ARHGAP6: variants seen among roughly 807,000 people sequenced by gnomAD.
ARHGAP6 encodes rho GTPase-activating protein 6.
In ARHGAP6, 16 loss-of-function variants were observed where a neutral mutation model predicts 55.7. The observed-to-expected ratio is 0.29, with a 90% confidence interval of 0.19 to 0.44. The LOEUF is 0.44. Ranked by LOEUF, ARHGAP6 falls within the 20% of genes least tolerant of loss-of-function variation. The pLI is 1.00. For synonymous variants in ARHGAP6, 382 were observed against 360.9 expected, an observed-to-expected ratio of 1.06 and a Z score of -0.66; for missense variants, 698 against 808.9, an observed-to-expected ratio of 0.86 and a Z score of 1.66.
At chrX:11,295,523 T>G (rs1247725839) in intron 1 of ARHGAP6, among the ~76,000 whole-genome samples, 1 of 111,448 alleles carries the variant, frequency 9.0e-6, no homozygotes, top group African/African-American at 3.3e-5. Context: ...GGCAGAGAAC[T>G]TAGATCACAT....
At chrX:11,501,658 C>G (rs1218546005) in intron 1 of ARHGAP6, among the ~76,000 whole-genome samples, 1 of 111,358 alleles carries the variant, frequency 9.0e-6, no homozygotes. Context: ...CATAAACAGT[C>G]GATTAACACT....
rs769578058 is a variant in ARHGAP6 at position 11,144,106 on chromosome X, T to A, written c.2050A>T (p.Met684Leu). The change falls in exon 11 of 13, where the codon ATG becomes TTG. Residue 684 changes from methionine to leucine, a missense_variant. Physicochemically the swap from Met to Leu is conservative, Grantham distance 15 (BLOSUM62 2). Around this residue, in one of 3 missense-constraint regions of ARHGAP6, gnomAD observed 322 missense variants for 451.1 expected, o/e 0.71. Coordinates refer to ENST00000337414, the MANE Select transcript of ARHGAP6 (RefSeq NM_013427.3). The stretch of plus-strand genomic sequence containing the variant: ...CCCCCCGGGGCCGCGTCCTCTTGCA[T>A]AGCCAGCAGGGAGCGCTCAGACAGC... ...PVLSERSLLA[M>L]QEDAAPGGSE... The A allele has an allele frequency of 1.1e-5, 13 of 1,211,213 alleles. No individual in the cohort carries two copies. In the South Asian group the frequency reaches 1.9e-4, roughly 18 times the overall value.
At chrX:11,152,943 G>C (rs5934965) in intron 10 of ARHGAP6, among the ~76,000 whole-genome samples, 2 of 111,179 alleles carry the variant, frequency 1.8e-5, no homozygotes, top group Admixed American at 9.5e-5. Flanking sequence ...TTGTTCTTCA[G>C]GCTCCCAGGT....
At chrX:11,486,672 A>C (rs2050513939) in intron 1 of ARHGAP6, among the ~76,000 whole-genome samples, 1 of 111,518 alleles carries the variant, frequency 9.0e-6, no homozygotes, top group Non-Finnish European at 1.9e-5. Context: ...ACAGTGTATC[A>C]AGTATCATGA....
At chrX:11,152,664 T>G (rs1184497122) in intron 10 of ARHGAP6, among the ~76,000 whole-genome samples, 2 of 112,025 alleles carry the variant, frequency 1.8e-5, no homozygotes, top group African/African-American at 6.5e-5. Context: ...CCTCTTTTCC[T>G]TCTCCAAACT....
chrX:11,320,823 TACAC>T (rs201097078), intron 1 of ARHGAP6, among the ~76,000 whole-genome samples: 17 of 103,186 alleles, frequency 1.6e-4, no homozygotes, highest in Admixed American at 2.1e-4. Flanking sequence ...GTGTATAATA[TACAC>T]ACACACACAT....
intron 1 of ARHGAP6, among the ~76,000 whole-genome samples, chrX:11,573,065 A>T (rs1270954333): frequency 9.0e-6 from 1 of 111,061 alleles, no homozygotes; most frequent in Non-Finnish European, 1.9e-5. Context: ...GTTTGAGTTC[A>T]TTGTAGATTC....
chrX:11,603,132 T>C (rs2051996789), intron 1 of ARHGAP6, among the ~76,000 whole-genome samples: 1 of 111,885 alleles, frequency 8.9e-6, no homozygotes, highest in African/African-American at 3.3e-5. Flanking sequence ...ATTTCTGCCC[T>C]GGAAAGTAGC....
At chrX:11,390,177 A>G (rs1191440778) in intron 1 of ARHGAP6, among the ~76,000 whole-genome samples, 4 of 111,937 alleles carry the variant, frequency 3.6e-5, no homozygotes, top group Non-Finnish European at 5.6e-5. Flanking sequence ...CATTTATTAA[A>G]TAGGGAATAC....
At chrX:11,261,123 T>C (rs1329092836) in intron 1 of ARHGAP6, among the ~76,000 whole-genome samples, 1 of 112,174 alleles carries the variant, frequency 8.9e-6, no homozygotes. Flanking sequence ...GTTGTATATA[T>C]GTGGGAAACT....
intron 1 of ARHGAP6, among the ~76,000 whole-genome samples, chrX:11,342,007 C>G (rs1036329557): frequency 2.0e-5 from 2 of 99,754 alleles, no homozygotes; most frequent in Admixed American, 2.2e-4. Flanking sequence ...ATGGATATAC[C>G]ATTTCAAAAT....
chrX:11,587,265 A>G (rs1243988354), intron 1 of ARHGAP6, among the ~76,000 whole-genome samples: 1 of 111,803 alleles, frequency 8.9e-6, no homozygotes, highest in East Asian at 2.8e-4. Context: ...TTCAAGAGGA[A>G]TGCTTTCAAC....
At chrX:11,294,969 G>A in intron 1 of ARHGAP6, 1 of 773,864 alleles carries the variant, frequency 1.3e-6, no homozygotes, top group Admixed American at 2.4e-5. Context: ...ATGTCTCTGG[G>A]TTGAAGAAAC....
chrX:11,638,953 A>C (rs905054605), intron 1 of ARHGAP6, among the ~76,000 whole-genome samples: 2 of 111,415 alleles, frequency 1.8e-5, no homozygotes, highest in African/African-American at 3.3e-5. Flanking sequence ...TGTAAATGGG[A>C]AAGTTTATAA....
intron 1 of ARHGAP6, among the ~76,000 whole-genome samples, chrX:11,364,374 A>AG (rs764335254): frequency 1.4e-3 from 157 of 110,704 alleles, no homozygotes; most frequent in Middle Eastern, 9.3e-3. Flanking sequence ...AAAAAAAAAA[A>AG]GAAATTACTT....
intron 1 of ARHGAP6, among the ~76,000 whole-genome samples, chrX:11,257,128 C>T (rs1026200777): frequency 8.9e-6 from 1 of 111,855 alleles, no homozygotes; most frequent in Non-Finnish European, 1.9e-5. Context: ...ACAAGGAACA[C>T]TATTGGGGAA....
At chrX:11,365,022 A>T (rs1334495359) in intron 1 of ARHGAP6, among the ~76,000 whole-genome samples, 1 of 111,671 alleles carries the variant, frequency 9.0e-6, no homozygotes, top group Non-Finnish European at 1.9e-5. Flanking sequence ...GACAACTAGT[A>T]GTCATTGTCA....
intron 1 of ARHGAP6, among the ~76,000 whole-genome samples, chrX:11,411,222 T>TATATATATATATATATATATAA (rs1385399573): frequency 1.3e-5 from 1 of 79,533 alleles, no homozygotes; most frequent in Non-Finnish European, 2.4e-5. Context: ...TATATATATA[T>TATATATATATATATATATATAA]AAAATATACA....
At chrX:11,534,610 G>A (rs1027486323) in intron 1 of ARHGAP6, among the ~76,000 whole-genome samples, 2 of 108,970 alleles carry the variant, frequency 1.8e-5, no homozygotes, top group Non-Finnish European at 3.8e-5. Flanking sequence ...AGAACCACTG[G>A]TACAGGCCAT....
Sources: gnomAD v4.1 joint callset for allele counts (sites outside exome capture counted in the v4.1 genomes callset) on GRCh38, gnomAD v4.1.1 for gene constraint, gnomAD v4.1.1 regional missense constraint, MANE v1.5 for transcripts, NCBI Gene and HGNC (gene_info 2026-07-23, HGNC 2026-07-21) for gene names.